ADORA2A: variants seen among roughly 807,000 people sequenced by gnomAD.
ADORA2A encodes the protein adenosine A2a receptor.
In ADORA2A, 11 loss-of-function variants were observed where a neutral mutation model predicts 18.4. The observed-to-expected ratio is 0.60, with a 90% CI of 0.38 to 0.99. The LOEUF (loss-of-function observed/expected upper bound fraction) is 0.99, where lower values mean the gene tolerates loss of function less well. Ranked by LOEUF, ADORA2A falls within the 50% of genes least tolerant of loss-of-function variation. The pLI is 0.01. For synonymous variants in ADORA2A, 218 were observed against 237.3 expected, an observed-to-expected ratio of 0.92 and a Z score of 0.75; for missense variants, 449 against 556.1, an observed-to-expected ratio of 0.81 and a Z score of 1.94.
At chr22:24,434,235 C>T (rs981673231) in intron 2 of ADORA2A, among the ~76,000 whole-genome samples, 1 of 152,198 alleles carries the variant, frequency 6.6e-6, no homozygotes, top group African/African-American at 2.4e-5. Flanking sequence ...GCCAGCCTTG[C>T]AGTGTGCACA....
intron 2 of ADORA2A, 123 bp from the exon 3 acceptor site, chr22:24,440,460 A>G (rs979601761): frequency 2.1e-6 from 2 of 971,326 alleles, no homozygotes; most frequent in African/African-American, 3.3e-5. Context: ...GGTGGCAGGA[A>G]ATGACTGGTC....
chr22:24,440,203 T>G (rs1360034798), intron 2 of ADORA2A, among the ~76,000 whole-genome samples: 1 of 152,174 alleles, frequency 6.6e-6, no homozygotes, highest in Non-Finnish European at 1.5e-5. Context: ...AGGTAATTGA[T>G]CTTGGTTAAG....
chr22:24,426,296 GCAAA>G (rs1244812722), upstream of ADORA2A, among the ~76,000 whole-genome samples: 2 of 152,168 alleles, frequency 1.3e-5, no homozygotes, highest in Admixed American at 6.5e-5. Flanking sequence ...CTATTGCAGC[GCAAA>G]CAGAGCCCTG....
intron 2 of ADORA2A, among the ~76,000 whole-genome samples, chr22:24,436,712 C>T (rs553546295): frequency 1.3e-5 from 2 of 152,272 alleles, no homozygotes; most frequent in South Asian, 2.1e-4. Flanking sequence ...TGGTGAGGCC[C>T]GAAGTCCTAA....
At position 24,433,221 on chromosome 22, in the gene ADORA2A, T is replaced by C. The variant is rs1418074295; in HGVS notation, c.-184T>C. 4 of 611,854 alleles carry C rather than the reference T, an allele frequency of 6.5e-6. No individual in the cohort carries two copies. Among genetic ancestry groups the C allele is most frequent in the Non-Finnish European group, 1.1e-5 (4 of 348,008 alleles). 37.9% of individuals were successfully genotyped at this position (611,854 alleles called of 1,614,324 possible). Reference sequence around the variant, plus strand: ...TGGTTTCAGGAGACTCAGAGTCCTCTGTGAAAAAGCCCTTGGAGAGCGCCC... The same window carrying C: ...TGGTTTCAGGAGACTCAGAGTCCTCCGTGAAAAAGCCCTTGGAGAGCGCCC... On this transcript the variant is annotated 5_prime_UTR_variant, in exon 2 of 3. Coordinates refer to ENST00000337539, the MANE Select transcript of ADORA2A (RefSeq NM_000675.6).
intron 1 of ADORA2A, chr22:24,431,139 C>T (rs773987488): frequency 2.0e-5 from 9 of 456,802 alleles, no homozygotes; most frequent in South Asian, 9.3e-5. Flanking sequence ...TGGTGCATCC[C>T]TGCCAACGAC....
Position 24,433,716 on chromosome 22 carries a change from T to G in ADORA2A, c.312T>G (p.Ile104Met), listed in dbSNP as rs1485953994. 6.2e-7 allele frequency: 1 copy of G among 1,607,826 alleles called. No homozygotes were observed. The highest frequency in any genetic ancestry group is 2.2e-5 in the East Asian group (1 of 44,876). ...TGGCCATCGCCATTGACCGCTACAT[T>G]GCCATCCGCATCCCGCTCCGGTGAG... is the stretch of plus-strand genomic sequence containing the variant. Reference protein sequence around the residue: ...SLLAIAIDRYIAIRIPLRYNG... With the variant: ...SLLAIAIDRYMAIRIPLRYNG... Residue 104 changes from isoleucine to methionine, a missense_variant, in exon 2 of 3, where the codon ATT becomes ATG. Physicochemically the swap from Ile to Met is conservative, Grantham distance 10. Transcript: ENST00000337539.
At chr22:24,425,517 CCT>C (rs894750761), upstream of ADORA2A, among the ~76,000 whole-genome samples, 15 of 152,346 alleles carry the variant, frequency 9.8e-5, no homozygotes, top group South Asian at 6.2e-4. Flanking sequence ...ATCCGTGTCC[CCT>C]GTTTCCCCAG....
At position 24,433,331 on chromosome 22, in the gene ADORA2A, C is replaced by T. The variant is rs200983519; in HGVS notation, c.-74C>T. On this transcript the variant is annotated 5_prime_UTR_variant, in exon 2 of 3. Transcript: ENST00000337539. ...TGGGCCGGGCTGGGAGCCAGGCGGG[C>T]GGCTGGGCTGCAGCAATGGACCGTG... is the stretch of plus-strand genomic sequence containing the variant. 239 of 1,426,384 alleles carry T rather than the reference C, an allele frequency of 1.7e-4. No homozygotes were observed. In the African/African-American group the frequency reaches 3.0e-3, roughly 18 times the overall value. 88.4% of individuals were successfully genotyped at this position (1,426,384 alleles called of 1,614,324 possible).
chr22:24,435,550 T>C (rs746814613), intron 2 of ADORA2A, among the ~76,000 whole-genome samples: 1 of 152,204 alleles, frequency 6.6e-6, no homozygotes, highest in Non-Finnish European at 1.5e-5. Flanking sequence ...ACTCCCTATG[T>C]AGTAGGACAG....
At chr22:24,434,782 T>G (rs942885480) in intron 2 of ADORA2A, among the ~76,000 whole-genome samples, 2 of 152,124 alleles carry the variant, frequency 1.3e-5, no homozygotes, top group Non-Finnish European at 2.9e-5. Flanking sequence ...GATGAGCAAA[T>G]GGAAATTTAG....
intron 1 of ADORA2A, chr22:24,430,107 C>G (rs1601399816): frequency 6.6e-6 from 1 of 152,380 alleles, no homozygotes; most frequent in African/African-American, 2.4e-5. Context: ...AAAGGTGCCT[C>G]TGACTCCACT....
chr22:24,441,492 A>C lies in ADORA2A; in HGVS notation c.*3A>C. The C allele has an allele frequency of 6.7e-7, 1 of 1,498,992 alleles. No homozygotes were observed. The highest frequency in any genetic ancestry group is 8.9e-7 in the Non-Finnish European group (1 of 1,124,584). The allele number at this position is 1,498,992 out of a possible 1,614,324, so 92.9% of individuals were successfully genotyped here. ...AGGATGGAGCAGGAGTGTCCTGATG[A>C]TTCATGGAGTTTGCCCCTTCCTAAG... On this transcript the variant is annotated 3_prime_UTR_variant, in exon 3 of 3. Coordinates refer to ENST00000337539, the MANE Select transcript of ADORA2A (RefSeq NM_000675.6).
intron 1 of ADORA2A, among the ~76,000 whole-genome samples, chr22:24,430,721 CT>C (rs1455768073): frequency 6.6e-6 from 1 of 152,268 alleles, no homozygotes; most frequent in Admixed American, 6.5e-5. Context: ...CAGCAAGGCC[CT>C]TGAATCTGGA....
At chr22:24,436,117 G>C (rs2043170300) in intron 2 of ADORA2A, among the ~76,000 whole-genome samples, 1 of 152,222 alleles carries the variant, frequency 6.6e-6, no homozygotes, top group South Asian at 2.1e-4. Flanking sequence ...GGGCCCTTCA[G>C]GCTGTTCCTG....
intron 1 of ADORA2A, chr22:24,429,653 C>T (rs1305958974): frequency 6.6e-6 from 1 of 152,274 alleles, no homozygotes; most frequent in Admixed American, 6.5e-5. Flanking sequence ...CAGCCCTACA[C>T]CACCTTCCAG....
chr22:24,425,196 C>A (rs2042903649), upstream of ADORA2A, among the ~76,000 whole-genome samples: 1 of 151,726 alleles, frequency 6.6e-6, no homozygotes, highest in South Asian at 2.1e-4. Context: ...GTGCCCCAGC[C>A]CTGGGGACCA....
intron 1 of ADORA2A, among the ~76,000 whole-genome samples, chr22:24,428,499 G>C (rs1216186411): frequency 6.6e-6 from 1 of 152,090 alleles, no homozygotes; most frequent in Non-Finnish European, 1.5e-5. Context: ...ATATCCACCT[G>C]TCCTTGTTTC....
At position 24,433,609 on chromosome 22, in the gene ADORA2A, G is replaced by A. The variant is rs766756975; in HGVS notation, c.205G>A (p.Gly69Arg). The change falls in exon 2 of 3, where the codon GGG becomes AGG. Residue 69 changes from glycine to arginine, a missense_variant. Coordinates refer to ENST00000337539, the MANE Select transcript of ADORA2A (RefSeq NM_000675.6). ...AIPFAITIST[G>R]FCAACHGCLF... Reference sequence around the variant, plus strand: ...CCCCTTTGCCATCACCATCAGCACCGGGTTCTGCGCTGCCTGCCACGGCTG... The same window carrying A: ...CCCCTTTGCCATCACCATCAGCACCAGGTTCTGCGCTGCCTGCCACGGCTG... 6 of 1,614,018 alleles carry A rather than the reference G, an allele frequency of 3.7e-6. No homozygotes were observed. In the Admixed American group the frequency reaches 5.0e-5, roughly 13 times the overall value.
Sources: gnomAD v4.1 joint callset for allele counts (sites outside exome capture counted in the v4.1 genomes callset) on GRCh38, gnomAD v4.1.1 for gene constraint, MANE v1.5 for transcripts, NCBI Gene and HGNC (gene_info 2026-07-23, HGNC 2026-07-21) for gene names.